The following CSMD1 variants were observed in gnomAD, a reference collection of about 807,000 sequenced individuals.
CSMD1 encodes CUB and Sushi multiple domains 1.
A neutral mutation model predicts 417.5 loss-of-function variants in CSMD1; 213 were observed. The ratio of observed to expected loss-of-function variants is 0.51; its 90% CI spans 0.46 to 0.57. CSMD1 has a LOEUF of 0.57. Among genes scored for constraint, CSMD1 ranks in the 20% least tolerant of loss-of-function variants. CSMD1 has a pLI of 0.00. For synonymous variants in CSMD1, 2,862 were observed against 1,736.8 expected, an observed-to-expected ratio of 1.65 and a Z score of -16.11; for missense variants, 6,923 against 4,529.7, an observed-to-expected ratio of 1.53 and a Z score of -15.17.
At chr8:4,464,478 G>C (rs375697442) in intron 2 of CSMD1, among the ~76,000 whole-genome samples, 9 of 152,224 alleles carry the variant, frequency 5.9e-5, no homozygotes, top group African/African-American at 1.9e-4. Flanking sequence ...AACCACCTAA[G>C]TCAAAGCTTA....
intron 5 of CSMD1, among the ~76,000 whole-genome samples, chr8:3,764,457 G>A (rs1798163744): frequency 1.3e-5 from 2 of 152,162 alleles, no homozygotes; most frequent in South Asian, 2.1e-4. Flanking sequence ...GAAGACATGC[G>A]TGTGAGTGAG....
intron 5 of CSMD1, among the ~76,000 whole-genome samples, chr8:3,777,516 A>G (rs1384851974): frequency 2.0e-5 from 3 of 152,212 alleles, no homozygotes; most frequent in Non-Finnish European, 2.9e-5. Flanking sequence ...TCTGAGCACC[A>G]TAAAATCCTA....
At chr8:4,808,323 T>G (rs1330310843) in intron 1 of CSMD1, among the ~76,000 whole-genome samples, 1 of 152,170 alleles carries the variant, frequency 6.6e-6, no homozygotes, top group Non-Finnish European at 1.5e-5. Flanking sequence ...TGTAAATCTA[T>G]CTTTCCACCA....
intron 3 of CSMD1, among the ~76,000 whole-genome samples, chr8:4,075,046 T>A (rs1180857456): frequency 1.3e-5 from 2 of 152,178 alleles, no homozygotes; most frequent in Non-Finnish European, 2.9e-5. Context: ...GTATGAATGA[T>A]GAGTAAATAA....
At chr8:4,012,403 C>T (rs559028953) in intron 4 of CSMD1, among the ~76,000 whole-genome samples, 13 of 152,062 alleles carry the variant, frequency 8.5e-5, no homozygotes, top group African/African-American at 2.2e-4. Flanking sequence ...CAGTTTGCGT[C>T]GCGTGGATTT....
intron 1 of CSMD1, among the ~76,000 whole-genome samples, chr8:4,724,538 G>T (rs867893154): frequency 2.0e-5 from 3 of 150,700 alleles, no homozygotes; most frequent in Non-Finnish European, 3.0e-5. Flanking sequence ...GTGTGTGTGT[G>T]TGTGTGTGTG....
chr8:3,853,085 C>T (rs1804025766), intron 5 of CSMD1, among the ~76,000 whole-genome samples: 1 of 152,168 alleles, frequency 6.6e-6, no homozygotes, highest in African/African-American at 2.4e-5. Flanking sequence ...CAATGCCTGC[C>T]ACCCTGACCT....
At chr8:4,682,473 G>C (rs1016624483) in intron 1 of CSMD1, among the ~76,000 whole-genome samples, 1 of 151,794 alleles carries the variant, frequency 6.6e-6, no homozygotes, top group Admixed American at 6.6e-5. Context: ...ATTTCTATAT[G>C]AAAAATAGAA....
At chr8:3,185,431 T>C (rs1212347096) in intron 36 of CSMD1, among the ~76,000 whole-genome samples, 2 of 152,212 alleles carry the variant, frequency 1.3e-5, no homozygotes, top group Non-Finnish European at 2.9e-5. Context: ...GCTGTCTTAA[T>C]TTTGCCGTCT....
intron 5 of CSMD1, among the ~76,000 whole-genome samples, chr8:3,957,505 T>C (rs796193950): frequency 1.9e-4 from 29 of 152,130 alleles, no homozygotes; most frequent in African/African-American, 6.3e-4. Context: ...GGCCGCACTC[T>C]TCTCTATAAA....
chr8:3,499,820 C>T (rs1359495948), intron 10 of CSMD1, among the ~76,000 whole-genome samples: 2 of 152,110 alleles, frequency 1.3e-5, no homozygotes, highest in Non-Finnish European at 2.9e-5. Context: ...GGAGATGCTA[C>T]TGGCCCTGTG....
chr8:4,448,029 G>A lies in CSMD1; in HGVS notation c.303-27964C>T, dbSNP rs1154069. Among the ~76,000 whole-genome samples the A allele has an allele frequency of 7.3e-3, 1,118 of 152,256 alleles. 13 individuals are homozygous for A. Among genetic ancestry groups the A allele is most frequent in the African/African-American group, 0.024 (1,015 of 41,552 alleles). ...GTGGTAAAACTAAAAAACTAAAGTGGTTCCGCATGAGGTTTCCTGGAATAT... is the reference window on the plus strand; with the variant it reads ...GTGGTAAAACTAAAAAACTAAAGTGATTCCGCATGAGGTTTCCTGGAATAT... On this transcript the variant is annotated intron_variant, in intron 2 of 69. Transcript: ENST00000635120.
intron 1 of CSMD1, among the ~76,000 whole-genome samples, chr8:4,968,284 C>A (rs1810011621): frequency 6.6e-6 from 1 of 151,912 alleles, no homozygotes; most frequent in African/African-American, 2.4e-5. Context: ...GCCAATTTCA[C>A]CAGTTATAAG....
In CSMD1 at chr8:3,094,295, C is replaced by T. The variant is rs574097616; in HGVS notation, c.7138+2554G>A. ...TAACTTTTGTATTTTTTAGCAGAGA[C>T]GGTTTCACCACGCTGGCCAGGCTGG... On this transcript the variant is annotated intron_variant, in intron 47 of 69. Coordinates refer to ENST00000635120, the MANE Select transcript of CSMD1 (RefSeq NM_033225.6). 2.6e-4 allele frequency among the ~76,000 whole-genome samples: 40 copies of T among 151,900 alleles called. No homozygotes were observed. In the South Asian group the frequency reaches 8.1e-3, roughly 31 times the overall value.
intron 1 of CSMD1, among the ~76,000 whole-genome samples, chr8:4,924,614 C>G (rs1245385239): frequency 6.8e-6 from 1 of 147,070 alleles, no homozygotes; most frequent in Non-Finnish European, 1.5e-5. Context: ...CCCAGCTACT[C>G]AGGAGGCTGA....
At chr8:4,180,209 A>C (rs1584969399) in intron 3 of CSMD1, among the ~76,000 whole-genome samples, 1 of 152,258 alleles carries the variant, frequency 6.6e-6, no homozygotes, top group East Asian at 1.9e-4. Flanking sequence ...TGGATTAAGA[A>C]AATGTGGCAC....
chr8:4,812,578 T>A (rs1233006017), intron 1 of CSMD1, among the ~76,000 whole-genome samples: 1 of 152,032 alleles, frequency 6.6e-6, no homozygotes, highest in African/African-American at 2.4e-5. Flanking sequence ...AATTATATAT[T>A]AAAGTCAATC....
chr8:4,437,477 G>T (rs947104832), intron 2 of CSMD1, among the ~76,000 whole-genome samples: 2 of 152,162 alleles, frequency 1.3e-5, no homozygotes, highest in Non-Finnish European at 2.9e-5. Flanking sequence ...TACATGAAAA[G>T]TTTCCTCTCA....
intron 18 of CSMD1, among the ~76,000 whole-genome samples, chr8:3,383,042 C>A (rs1196899319): frequency 6.6e-6 from 1 of 152,150 alleles, no homozygotes; most frequent in African/African-American, 2.4e-5. Context: ...ATGATGCCAG[C>A]GCATGTAGAT....
Sources: allele counts gnomAD v4.1 joint callset (sites outside exome capture counted in the v4.1 genomes callset), GRCh38; gene constraint gnomAD v4.1.1; transcripts MANE v1.5; gene names NCBI Gene and HGNC (gene_info 2026-07-23, HGNC 2026-07-21).